Variants in COL4A1 observed in about 807,000 individuals in gnomAD.
COL4A1 encodes collagen type IV alpha 1 chain, also known as collagen alpha-1(IV) chain.
Under a neutral mutation model 216.6 loss-of-function variants are expected in COL4A1, and 40 were observed. The ratio of observed to expected loss-of-function variants is 0.18; its 90% CI spans 0.14 to 0.24. The LOEUF is 0.24. Ranked by LOEUF, COL4A1 falls within the 10% of genes least tolerant of loss-of-function variation. The probability of loss-of-function intolerance (pLI) is 1.00; values close to 1 mark genes in which losing one functional copy is unlikely to be tolerated. For missense variants in COL4A1, 1,628 were observed against 2,196.8 expected (o/e 0.74, Z 5.18); for synonymous variants, 839 against 810.7 (o/e 1.03, Z -0.59).
intron 41 of COL4A1, among the ~76,000 whole-genome samples, chr13:110,171,863 G>T (rs1033724015): frequency 1.3e-5 from 2 of 152,230 alleles, no homozygotes; most frequent in African/African-American, 4.8e-5. Flanking sequence ...GAGGGATTCT[G>T]TGAGTTAAGG....
rs1184164704 is a variant in COL4A1 at position 110,273,987 on chromosome 13, G to T, written c.85-31253C>A. On this transcript the variant is annotated intron_variant, in intron 1 of 51. Transcript: ENST00000375820. The stretch of plus-strand genomic sequence containing the variant: ...CAGAAGACAGACCAAAAAGATCTAG[G>T]GCCTCATCAAATTAAAAATGAATTT... Among the ~76,000 whole-genome samples, 4 of 152,032 alleles carry T rather than the reference G, an allele frequency of 2.6e-5. No homozygotes were observed. The East Asian group carries it at 7.7e-4, about 29-fold the overall frequency.
At chr13:110,303,514 G>A (rs1884573520) in intron 1 of COL4A1, among the ~76,000 whole-genome samples, 1 of 152,172 alleles carries the variant, frequency 6.6e-6, no homozygotes, top group Admixed American at 6.5e-5. Flanking sequence ...TCAGTGCAAA[G>A]ACCCTTAGAC....
In COL4A1 at chr13:110,260,145, G is replaced by GA. The variant is rs539186982; in HGVS notation, c.85-17412dup. On this transcript the variant is annotated intron_variant, in intron 1 of 51. Transcript: ENST00000375820. The stretch of plus-strand genomic sequence containing the variant: ...TACCCAAGACTGGGTAATTTATAAA[G>GA]AAAAAAGGTTTAATGAACTCACAGT... Among the ~76,000 whole-genome samples the GA allele has an allele frequency of 1.9e-3, 291 of 151,996 alleles. 2 individuals are homozygous for GA. The highest frequency in any genetic ancestry group is 6.6e-3 in the African/African-American group (273 of 41,342).
intron 28 of COL4A1, 109 bp downstream of exon 28, chr13:110,182,884 C>T: frequency 9.5e-7 from 1 of 1,055,934 alleles, no homozygotes; most frequent in South Asian, 1.4e-5. Flanking sequence ...CTGAAAGCCT[C>T]CCTGAACAGC....
At chr13:110,184,824 C>T (rs1040860419) in intron 26 of COL4A1, among the ~76,000 whole-genome samples, 4 of 152,152 alleles carry the variant, frequency 2.6e-5, no homozygotes, top group African/African-American at 9.7e-5. Flanking sequence ...AATTCTCCTG[C>T]CTCAGCCTCC....
chr13:110,294,884 C>A (rs1442161363), intron 1 of COL4A1, among the ~76,000 whole-genome samples: 1 of 152,096 alleles, frequency 6.6e-6, no homozygotes, highest in African/African-American at 2.4e-5. Context: ...AGTGGGTGTA[C>A]AATAAATATT....
At chr13:110,260,516 C>A (rs1289237847) in intron 1 of COL4A1, among the ~76,000 whole-genome samples, 2 of 152,190 alleles carry the variant, frequency 1.3e-5, no homozygotes, top group African/African-American at 2.4e-5. Flanking sequence ...TAGTCACAGC[C>A]AACTAAAACC....
chr13:110,239,756 A>G (rs7995598), intron 2 of COL4A1, among the ~76,000 whole-genome samples: 29,979 of 152,114 alleles, frequency 0.2, 3,376 homozygotes, highest in African/African-American at 0.3. Context: ...CCACTGAGGA[A>G]GATCCACTTC....
At position 110,253,379 on chromosome 13, in the gene COL4A1, ATAT is replaced by A. The variant is rs1168996533; in HGVS notation, c.85-10648_85-10646del. Among the ~76,000 whole-genome samples the A allele has an allele frequency of 7.0e-3, 24 of 3,424 alleles. 2 individuals carry two copies. The highest frequency in any genetic ancestry group is 0.021 in the Admixed American group (3 of 144). 2.2% of individuals were successfully genotyped at this position (3,424 alleles called of 152,430 possible). On this transcript the variant is annotated intron_variant, in intron 1 of 51. Transcript: ENST00000375820. ...ATATGTATTACATATACATATAATT[ATAT>A]GTATTACATATACATATAATTATAT...
chr13:110,198,486 A>C lies in COL4A1; in HGVS notation c.1266T>G (p.Pro422=), dbSNP rs1879010172. 3.1e-6 allele frequency: 5 copies of C among 1,613,362 alleles called. No homozygotes were observed. Among genetic ancestry groups the C allele is most frequent in the Non-Finnish European group, 4.2e-6 (5 of 1,179,542 alleles). ...ACTCACTTGTGTAGCCAGGCTGCCC[A>C]GGGGGCCCAGGGGAACCAGGAGGAC... is the stretch of plus-strand genomic sequence containing the variant. The part of the protein sequence containing the change: ...LPGPPGSPGP[P]GQPGYTNGIV... Residue 422 remains proline, a synonymous_variant, in exon 21 of 52, where the codon CCT becomes CCG. Transcript: ENST00000375820.
At chr13:110,218,363 C>T (rs116872777) in intron 2 of COL4A1, among the ~76,000 whole-genome samples, 2,319 of 152,192 alleles carry the variant, frequency 0.015, 35 homozygotes, top group Middle Eastern at 0.062. Context: ...CCTCTACGCA[C>T]GGAATGAGTA....
intron 1 of COL4A1, among the ~76,000 whole-genome samples, chr13:110,272,864 C>A (rs760098025): frequency 1.3e-5 from 2 of 152,186 alleles, no homozygotes; most frequent in South Asian, 2.1e-4. Flanking sequence ...CGACCCTTCA[C>A]CTGTCACCAT....
chr13:110,166,925 T>A (rs1299447478), intron 44 of COL4A1, among the ~76,000 whole-genome samples: 3 of 152,230 alleles, frequency 2.0e-5, no homozygotes, highest in Admixed American at 1.3e-4. Flanking sequence ...CTTATTGAGA[T>A]ATTAATGATC....
chr13:110,225,592 T>C (rs1041644352), intron 2 of COL4A1, among the ~76,000 whole-genome samples: 1 of 151,832 alleles, frequency 6.6e-6, no homozygotes, highest in Non-Finnish European at 1.5e-5. Context: ...AAAAAATAAA[T>C]AAATAAATAA....
chr13:110,181,454 A>G lies in COL4A1; in HGVS notation c.2096-65T>C, dbSNP rs532189149. 1.9e-5 allele frequency: 27 copies of G among 1,421,564 alleles called. No homozygotes were observed. In the African/African-American group the frequency reaches 3.8e-4, roughly 20 times the overall value. 88.1% of individuals were successfully genotyped at this position (1,421,564 alleles called of 1,614,324 possible). ...CATTGCGATTACAATGCCGTTCCCC[A>G]CTTTCTTCACTTTTAGTCTTGCCCA... On this transcript the variant is annotated intron_variant, in intron 28 of 51. Transcript: ENST00000375820.
At chr13:110,219,229 T>C (rs1880254414) in intron 2 of COL4A1, among the ~76,000 whole-genome samples, 1 of 152,146 alleles carries the variant, frequency 6.6e-6, no homozygotes, top group Non-Finnish European at 1.5e-5. Flanking sequence ...CTGCTTTGCC[T>C]AAGAGGAAGG....
chr13:110,297,225 T>TG (rs931206729), intron 1 of COL4A1, among the ~76,000 whole-genome samples: 16 of 152,072 alleles, frequency 1.1e-4, no homozygotes, highest in Non-Finnish European at 1.8e-4. Flanking sequence ...AGCTGCGGGG[T>TG]GGGGGGGCCA....
At chr13:110,256,392 A>C (rs1308409951) in intron 1 of COL4A1, among the ~76,000 whole-genome samples, 1 of 152,236 alleles carries the variant, frequency 6.6e-6, no homozygotes, top group Non-Finnish European at 1.5e-5. Flanking sequence ...AGGTGAAGAC[A>C]GCAGAGGAGG....
rs764149434 is a variant in COL4A1 at position 110,207,543 on chromosome 13, T to C, written c.694-54A>G. Reference sequence around the variant, plus strand: ...AGGCATGAAAACAATTATGCAGACATGAAAAATTGCAGAGAGAGGTAAAAG... The same window carrying C: ...AGGCATGAAAACAATTATGCAGACACGAAAAATTGCAGAGAGAGGTAAAAG... On this transcript the variant is annotated intron_variant, in intron 12 of 51. Transcript: ENST00000375820. This position sits in a 1 kb window ranked among gnomAD's most constrained non-coding sequence, Gnocchi z 4.4. The C allele has an allele frequency of 6.9e-7, 1 of 1,449,302 alleles. No homozygotes were observed. The highest frequency in any genetic ancestry group is 1.1e-5 in the South Asian group (1 of 86,982). 89.8% of individuals were successfully genotyped at this position (1,449,302 alleles called of 1,614,324 possible).
Sources: gnomAD v4.1 joint callset for allele counts (sites outside exome capture counted in the v4.1 genomes callset) on GRCh38, gnomAD v4.1.1 for gene constraint, Gnocchi (gnomAD v3.1) non-coding constraint, MANE v1.5 for transcripts, NCBI Gene and HGNC (gene_info 2026-07-23, HGNC 2026-07-21) for gene names.